The following PIP4K2A variants were observed in gnomAD, a reference collection of about 807,000 sequenced individuals.
PIP4K2A encodes the protein phosphatidylinositol 5-phosphate 4-kinase type-2 alpha.
Under a neutral mutation model 42.9 loss-of-function variants are expected in PIP4K2A, and 14 were observed. The observed-to-expected ratio is 0.33, with a 90% CI of 0.22 to 0.51. The LOEUF is 0.51. PIP4K2A is among the 20% of genes least tolerant of loss of function. The pLI, the probability that PIP4K2A is intolerant of heterozygous loss-of-function variation, is 0.97. For missense variants in PIP4K2A, 434 were observed against 519.8 expected (o/e 0.83, Z 1.61); for synonymous variants, 192 against 192.2 (o/e 1.00, Z 0.01).
In PIP4K2A at chr10:22,567,997, A is replaced by C. The variant is rs1001701488; in HGVS notation, c.640-108T>G. ...GGAGCAGAGAGCCAGCTCAGCACCC[A>C]CTCTGCTTCGCAGCCCATGCGGAAT... On this transcript the variant is annotated intron_variant, in intron 5 of 9. Coordinates refer to ENST00000376573, the MANE Select transcript of PIP4K2A (RefSeq NM_005028.5). The C allele has an allele frequency of 6.1e-6, 6 of 985,092 alleles. No homozygotes were observed. In the African/African-American group the frequency reaches 9.6e-5, roughly 16 times the overall value. The allele number at this position is 985,092 out of a possible 1,614,324, so 61.0% of individuals were successfully genotyped here.
intron 1 of PIP4K2A, among the ~76,000 whole-genome samples, chr10:22,682,106 T>C (rs1051565258): frequency 6.6e-6 from 1 of 152,182 alleles, no homozygotes; most frequent in African/African-American, 2.4e-5. Context: ...TCCTGTGCTA[T>C]AGTTAATTCA....
intron 6 of PIP4K2A, among the ~76,000 whole-genome samples, chr10:22,555,021 G>A (rs760824654): frequency 3.9e-5 from 6 of 152,212 alleles, no homozygotes; most frequent in South Asian, 2.1e-4. Context: ...CTAATGTGAC[G>A]TGTAAATGCA....
At chr10:22,545,274 G>A (rs1229512515) in intron 7 of PIP4K2A, among the ~76,000 whole-genome samples, 1 of 152,220 alleles carries the variant, frequency 6.6e-6, no homozygotes, top group African/African-American at 2.4e-5. Context: ...CAACAGCTCT[G>A]CAAAGGAAGC....
At chr10:22,539,914 A>AGAGG (rs1564411016) in intron 9 of PIP4K2A, 57 bp downstream of exon 9, 7 of 463,326 alleles carry the variant, frequency 1.5e-5, no homozygotes, top group Non-Finnish European at 2.3e-5. Flanking sequence ...AGAGAGAGGG[A>AGAGG]GAGAGAGAGA....
chr10:22,582,688 G>C (rs1329348452), intron 4 of PIP4K2A, among the ~76,000 whole-genome samples: 1 of 151,770 alleles, frequency 6.6e-6, no homozygotes, highest in African/African-American at 2.4e-5. Flanking sequence ...TCACATGAAA[G>C]AAAAGGAAAG....
At chr10:22,696,784 G>C (rs1839981446) in intron 1 of PIP4K2A, among the ~76,000 whole-genome samples, 1 of 151,936 alleles carries the variant, frequency 6.6e-6, no homozygotes, top group African/African-American at 2.4e-5. Flanking sequence ...TTCTCTATTA[G>C]GTAATCATCC....
intron 7 of PIP4K2A, among the ~76,000 whole-genome samples, chr10:22,550,048 C>T (rs970260981): frequency 6.6e-6 from 1 of 152,060 alleles, no homozygotes; most frequent in Non-Finnish European, 1.5e-5. Flanking sequence ...TCATTATGGA[C>T]GAAAGCCCCT....
chr10:22,659,139 T>C (rs992526957), intron 1 of PIP4K2A, among the ~76,000 whole-genome samples: 1 of 152,268 alleles, frequency 6.6e-6, no homozygotes. Flanking sequence ...GAATGCACCC[T>C]GGTTCCTTCT....
chr10:22,575,955 G>GA (rs897734382), intron 4 of PIP4K2A, among the ~76,000 whole-genome samples: 13 of 150,202 alleles, frequency 8.7e-5, no homozygotes, highest in Non-Finnish European at 1.6e-4. Flanking sequence ...AAACAAAAAA[G>GA]AAAAAAAAAG....
intron 7 of PIP4K2A, among the ~76,000 whole-genome samples, chr10:22,547,232 CGGTTAT>C (rs1836278853): frequency 2.0e-5 from 3 of 152,204 alleles, no homozygotes. Flanking sequence ...CCCTGTTTAA[CGGTTAT>C]ATCTTACCAC....
In PIP4K2A at chr10:22,549,747, G is replaced by A. The variant is rs566319932; in HGVS notation, c.792+912C>T. On this transcript the variant is annotated intron_variant, in intron 7 of 9. Transcript: ENST00000376573. Reference sequence around the variant, plus strand: ...TCCCAGCTACTCAGGAGGCTGAGGCGGGAGAATGGCGTGAACCTGGGAGGC... The same window carrying A: ...TCCCAGCTACTCAGGAGGCTGAGGCAGGAGAATGGCGTGAACCTGGGAGGC... 5.6e-3 allele frequency among the ~76,000 whole-genome samples: 842 copies of A among 149,232 alleles called. 9 individuals are homozygous for A. Among genetic ancestry groups the A allele is most frequent in the African/African-American group, 0.018 (741 of 40,658 alleles).
At chr10:22,565,775 T>C (rs1836832805) in intron 6 of PIP4K2A, among the ~76,000 whole-genome samples, 1 of 152,194 alleles carries the variant, frequency 6.6e-6, no homozygotes, top group Non-Finnish European at 1.5e-5. Flanking sequence ...CTGAATTCTT[T>C]TTCTCAGCAT....
Position 22,609,568 on chromosome 10 carries a change from T to C in PIP4K2A, c.242+52A>G, listed in dbSNP as rs924463211. 5.0e-6 allele frequency: 5 copies of C among 999,530 alleles called. No individual in the cohort carries two copies. The Admixed American group carries it at 5.5e-5, about 11-fold the overall frequency. 61.9% of individuals were successfully genotyped at this position (999,530 alleles called of 1,614,324 possible). On this transcript the variant is annotated intron_variant, in intron 2 of 9. Transcript: ENST00000376573. Reference sequence around the variant, plus strand: ...ATGTGATTACAAAAATTCACAAAACTTGTACTCCTAGCAGCCACGCTAGTC... The same window carrying C: ...ATGTGATTACAAAAATTCACAAAACCTGTACTCCTAGCAGCCACGCTAGTC...
chr10:22,641,582 C>T (rs928062627), intron 1 of PIP4K2A, among the ~76,000 whole-genome samples: 6 of 151,550 alleles, frequency 4.0e-5, no homozygotes, highest in Non-Finnish European at 7.4e-5. Context: ...GCTGGGACTA[C>T]AGGTACGTGC....
At chr10:22,549,579 C>T (rs369375212) in intron 7 of PIP4K2A, among the ~76,000 whole-genome samples, 6 of 151,852 alleles carry the variant, frequency 4.0e-5, no homozygotes, top group East Asian at 1.9e-4. Flanking sequence ...TGGTGGCTGA[C>T]GCCTGTAATC....
chr10:22,692,852 AC>A (rs1231169955), intron 1 of PIP4K2A, among the ~76,000 whole-genome samples: 1 of 152,236 alleles, frequency 6.6e-6, no homozygotes, highest in East Asian at 1.9e-4. Flanking sequence ...TCCTTTAGGC[AC>A]TCAATAGTGA....
chr10:22,641,502 C>T (rs185341263), intron 1 of PIP4K2A, among the ~76,000 whole-genome samples: 94 of 151,876 alleles, frequency 6.2e-4, no homozygotes, highest in African/African-American at 2.2e-3. Flanking sequence ...AGTGCAGTGG[C>T]ACAATCATAG....
chr10:22,552,638 G>A (rs1836441322), intron 6 of PIP4K2A, among the ~76,000 whole-genome samples: 1 of 152,126 alleles, frequency 6.6e-6, no homozygotes, highest in African/African-American at 2.4e-5. Flanking sequence ...TCAGAGGGCA[G>A]TGAGAACATA....
At chr10:22,664,122 TATATATA>T (rs1839280989) in intron 1 of PIP4K2A, among the ~76,000 whole-genome samples, 1 of 66,682 alleles carries the variant, frequency 1.5e-5, no homozygotes, top group African/African-American at 1.3e-4. Flanking sequence ...TATACATATA[TATATATA>T]CATATATATA....
Sources: allele counts gnomAD v4.1 joint callset (sites outside exome capture counted in the v4.1 genomes callset), GRCh38; gene constraint gnomAD v4.1.1; transcripts MANE v1.5; gene names NCBI Gene and HGNC (gene_info 2026-07-23, HGNC 2026-07-21).